The following RAP1GAP2 variants were observed in gnomAD, a reference collection of about 807,000 sequenced individuals.
The protein encoded by RAP1GAP2 is rap1 GTPase-activating protein 2.
Under a neutral mutation model 95.0 loss-of-function variants are expected in RAP1GAP2, and 27 were observed. That is an observed-to-expected ratio of 0.28 (90% CI 0.21 to 0.39). The LOEUF (loss-of-function observed/expected upper bound fraction) is 0.39, where lower values mean the gene tolerates loss of function less well. Ranked by LOEUF, RAP1GAP2 falls within the 10% of genes least tolerant of loss-of-function variation. RAP1GAP2 has a pLI of 1.00. For missense variants in RAP1GAP2, 771 were observed against 970.0 expected (o/e 0.79, Z 2.72); for synonymous variants, 373 against 380.9 (o/e 0.98, Z 0.24).
At position 2,866,061 on chromosome 17, in the gene RAP1GAP2, G is replaced by C. The variant is rs115809990; in HGVS notation, c.81-39223G>C. Among the ~76,000 whole-genome samples the C allele has an allele frequency of 9.2e-5, 14 of 152,368 alleles. No individual in the cohort carries two copies. In the East Asian group the frequency reaches 2.7e-3, roughly 29 times the overall value. On this transcript the variant is annotated intron_variant, in intron 2 of 24. Transcript: ENST00000254695. This position sits in a 1 kb window ranked among gnomAD's most constrained non-coding sequence, Gnocchi z 4.0. ...GAAGAGGGAGGTGTGGAGAAGAGGTGCAGGGAGCCCTGGAGGTCAGAAGAA... is the reference window on the plus strand; with the variant it reads ...GAAGAGGGAGGTGTGGAGAAGAGGTCCAGGGAGCCCTGGAGGTCAGAAGAA...
chr17:2,939,840 C>T (rs1256482525), intron 3 of RAP1GAP2, among the ~76,000 whole-genome samples: 1 of 152,254 alleles, frequency 6.6e-6, no homozygotes, highest in African/African-American at 2.4e-5. Context: ...GCCCTGGGTT[C>T]CCCAGAAAAA....
intron 2 of RAP1GAP2, among the ~76,000 whole-genome samples, chr17:2,823,866 G>A (rs911981364): frequency 1.3e-5 from 2 of 152,150 alleles, no homozygotes; most frequent in African/African-American, 4.8e-5. Flanking sequence ...GCTCACACCT[G>A]TCATCCCAGC....
In RAP1GAP2 at chr17:3,025,890, G is replaced by T. The variant is rs2047094363; in HGVS notation, c.1752-118G>T. 1.1e-5 allele frequency: 8 copies of T among 710,034 alleles called. No homozygotes were observed. The South Asian group carries it at 1.4e-4, about 13-fold the overall frequency. The allele number at this position is 710,034 out of a possible 1,614,324, so 44.0% of individuals were successfully genotyped here. On this transcript the variant is annotated intron_variant, in intron 19 of 24. Coordinates refer to ENST00000254695, the MANE Select transcript of RAP1GAP2 (RefSeq NM_015085.5). ...GACATCCAGGCAGTGATGCCAGGCG[G>T]GGGCGCTCTGACCCCACTGCCCCTC...
intron 2 of RAP1GAP2, among the ~76,000 whole-genome samples, chr17:2,821,036 A>G (rs942494174): frequency 6.6e-6 from 1 of 151,366 alleles, no homozygotes; most frequent in Admixed American, 6.6e-5. Context: ...CGTCCTGCCT[A>G]TTATTTTATT....
At chr17:2,822,236 A>G (rs2070335787) in intron 2 of RAP1GAP2, among the ~76,000 whole-genome samples, 3 of 152,182 alleles carry the variant, frequency 2.0e-5, no homozygotes, top group Non-Finnish European at 1.5e-5. Context: ...AGGGTCACCC[A>G]GGTTCACACA....
At position 3,028,494 on chromosome 17, in the gene RAP1GAP2, G is replaced by C. The variant is rs566850145; in HGVS notation, c.2107+1424G>C. Among the ~76,000 whole-genome samples the C allele has an allele frequency of 9.8e-5, 15 of 152,304 alleles. No homozygotes were observed. The South Asian group carries it at 2.9e-3, about 29-fold the overall frequency. On this transcript the variant is annotated intron_variant, in intron 22 of 24. Transcript: ENST00000254695. Reference sequence around the variant, plus strand: ...TTGAAAAACTCTAGTCTCAATGGTAGAAACACAGGAAGGGCCAACAGGCCT... The same window carrying C: ...TTGAAAAACTCTAGTCTCAATGGTACAAACACAGGAAGGGCCAACAGGCCT...
Position 2,889,551 on chromosome 17 carries a change from C to T in RAP1GAP2, c.81-15733C>T, listed in dbSNP as rs527495750. On this transcript the variant is annotated intron_variant, in intron 2 of 24. Transcript: ENST00000254695. ...TGAACTTTCCAGCCGTGAAATACTG[C>T]AGGGGCCATGGCCAGATTCCAGTAT... 3.9e-5 allele frequency among the ~76,000 whole-genome samples: 6 copies of T among 152,218 alleles called. No homozygotes were observed. In the South Asian group the frequency reaches 1.0e-3, roughly 26 times the overall value.
At chr17:2,801,038 C>T (rs1338461024) in intron 2 of RAP1GAP2, among the ~76,000 whole-genome samples, 25 of 150,730 alleles carry the variant, frequency 1.7e-4, no homozygotes, top group Non-Finnish European at 2.4e-4. Flanking sequence ...TTAGTAGAGA[C>T]GGAGTTTCAC....
At position 2,981,224 on chromosome 17, in the gene RAP1GAP2, A is replaced by T; in HGVS notation, c.705A>T (p.Arg235Ser). ...TCTGTGATGATGCAGTGGGACTGAG[A>T]TTCAATCCTGTCCTGTACCCCAAGG... ...KAFCDDAVGL[R>S]FNPVLYPKAS... The change falls in exon 10 of 25, where the codon AGA (arginine) becomes AGT (serine). Residue 235 changes from arginine to serine, a missense_variant. Arg to Ser is a moderately radical substitution (Grantham distance 110, BLOSUM62 -1). Transcript: ENST00000254695. 1 of 1,612,546 alleles carries T rather than the reference A, an allele frequency of 6.2e-7. No individual in the cohort carries two copies. The highest frequency in any genetic ancestry group is 8.5e-7 in the Non-Finnish European group (1 of 1,179,252).
At chr17:2,810,811 G>A (rs985766219) in intron 2 of RAP1GAP2, among the ~76,000 whole-genome samples, 7 of 152,096 alleles carry the variant, frequency 4.6e-5, no homozygotes, top group African/African-American at 1.7e-4. Flanking sequence ...TTACAGGCGT[G>A]AGCCACCGCG....
chr17:2,959,318 C>A (rs957104809), intron 4 of RAP1GAP2, among the ~76,000 whole-genome samples: 3 of 152,112 alleles, frequency 2.0e-5, no homozygotes, highest in Admixed American at 2.0e-4. Flanking sequence ...TCATGTAGAT[C>A]GGGTGCTTTC....
intron 1 of RAP1GAP2, among the ~76,000 whole-genome samples, chr17:2,767,857 C>T (rs4790362): frequency 0.087 from 13,245 of 151,822 alleles, 878 homozygotes; most frequent in East Asian, 0.32. Flanking sequence ...CTCAGCCTCC[C>T]GAGTAGCTGG....
At chr17:2,847,529 A>C (rs980739963) in intron 2 of RAP1GAP2, among the ~76,000 whole-genome samples, 1 of 152,208 alleles carries the variant, frequency 6.6e-6, no homozygotes, top group Non-Finnish European at 1.5e-5. Flanking sequence ...TAAATAATAC[A>C]TGTATAAGAA....
At chr17:2,782,260 C>T (rs919370717) in intron 1 of RAP1GAP2, among the ~76,000 whole-genome samples, 5 of 152,192 alleles carry the variant, frequency 3.3e-5, no homozygotes, top group African/African-American at 9.7e-5. Context: ...TGAAGAGGGA[C>T]GGCAAGTCCA....
At chr17:2,873,886 C>CT (rs1388297543) in intron 2 of RAP1GAP2, among the ~76,000 whole-genome samples, 2 of 151,968 alleles carry the variant, frequency 1.3e-5, no homozygotes, top group African/African-American at 4.8e-5. Flanking sequence ...CCTCAGCCTC[C>CT]CGAGTAGCTG....
chr17:2,826,448 C>T (rs1446173801), intron 2 of RAP1GAP2, among the ~76,000 whole-genome samples: 1 of 152,024 alleles, frequency 6.6e-6, no homozygotes, highest in Non-Finnish European at 1.5e-5. Flanking sequence ...TGGGGATCCG[C>T]TCGGGGAGGC....
At chr17:2,889,236 A>G (rs34142458) in intron 2 of RAP1GAP2, among the ~76,000 whole-genome samples, 105,031 of 152,042 alleles carry the variant, frequency 0.69, 36,762 homozygotes, top group Admixed American at 0.81. Flanking sequence ...GATGAGGTCA[A>G]CCAAAGCACT....
At chr17:2,935,082 C>A (rs1235158748) in intron 3 of RAP1GAP2, among the ~76,000 whole-genome samples, 5 of 152,180 alleles carry the variant, frequency 3.3e-5, no homozygotes, top group African/African-American at 9.7e-5. Context: ...CAAAACTTGG[C>A]CCCTGGAGGC....
chr17:3,007,871 C>T (rs1205489565), intron 16 of RAP1GAP2, 140 bp from the exon 17 acceptor site: 2 of 1,014,192 alleles, frequency 2.0e-6, no homozygotes, highest in African/African-American at 1.6e-5. Context: ...CGAAGCTCAG[C>T]TCAGCAGTAG....
Sources: gnomAD v4.1 joint callset for allele counts (sites outside exome capture counted in the v4.1 genomes callset) on GRCh38, gnomAD v4.1.1 for gene constraint, Gnocchi (gnomAD v3.1) non-coding constraint, MANE v1.5 for transcripts, NCBI Gene and HGNC (gene_info 2026-07-23, HGNC 2026-07-21) for gene names.